The following GCNT2 variants were observed in gnomAD, a reference collection of about 807,000 sequenced individuals.
GCNT2 encodes N-acetyllactosaminide beta-1,6-N-acetylglucosaminyl-transferase.
A neutral mutation model predicts 34.2 loss-of-function variants in GCNT2; 34 were observed. That is an observed-to-expected ratio of 1.00 (90% CI 0.76 to 1.32). The LOEUF is 1.32. Ranked by LOEUF, GCNT2 falls within the 40% of genes most tolerant of loss-of-function variation. The probability of loss-of-function intolerance (pLI) is 0.00; values close to 1 mark genes in which losing one functional copy is unlikely to be tolerated. For synonymous variants in GCNT2, 212 were observed against 188.0 expected (o/e 1.13, Z -1.04); for missense variants, 584 against 489.4 (o/e 1.19, Z -1.82).
intron 3 of GCNT2, among the ~76,000 whole-genome samples, chr6:10,548,243 TAAA>T (rs1331259386): frequency 6.6e-6 from 1 of 152,088 alleles, no homozygotes; most frequent in Non-Finnish European, 1.5e-5. Flanking sequence ...CTAAAAAAGT[TAAA>T]AATAAATAAA....
chr6:10,604,879 G>A (rs149389682), intron 3 of GCNT2, among the ~76,000 whole-genome samples: 5 of 148,744 alleles, frequency 3.4e-5, no homozygotes, highest in African/African-American at 4.9e-5. Context: ...AAAAGAAAAA[G>A]AAAGAAAAAT....
chr6:10,523,701 T>G (rs535348041), intron 1 of GCNT2, among the ~76,000 whole-genome samples: 21 of 151,958 alleles, frequency 1.4e-4, no homozygotes, highest in East Asian at 5.8e-4. Context: ...GGCCGGGCGC[T>G]GTGGCTCATG....
At chr6:10,585,594 G>A (rs1581446977) in intron 3 of GCNT2, among the ~76,000 whole-genome samples, 1 of 152,158 alleles carries the variant, frequency 6.6e-6, no homozygotes, top group Non-Finnish European at 1.5e-5. Context: ...AGGGAAAGGC[G>A]GTGAGGGTGA....
chr6:10,585,129 A>G (rs973088506), intron 3 of GCNT2, among the ~76,000 whole-genome samples: 7 of 151,666 alleles, frequency 4.6e-5, no homozygotes, highest in Non-Finnish European at 7.4e-5. Context: ...CTACCTTGTT[A>G]TATTTTTCTG....
chr6:10,586,759 A>G (rs760688336), intron 3 of GCNT2: 39 of 1,614,048 alleles, frequency 2.4e-5, no homozygotes, highest in Non-Finnish European at 3.2e-5. Flanking sequence ...CCTCCACATC[A>G]GCTGACCATC....
intron 3 of GCNT2, among the ~76,000 whole-genome samples, chr6:10,601,216 G>T (rs532779632): frequency 1.2e-4 from 19 of 152,144 alleles, no homozygotes; most frequent in African/African-American, 4.3e-4. Flanking sequence ...AAAAAGTAGG[G>T]CTATTCTTAG....
intron 3 of GCNT2, among the ~76,000 whole-genome samples, chr6:10,581,414 G>T (rs544773386): frequency 2.0e-5 from 3 of 152,072 alleles, no homozygotes; most frequent in Non-Finnish European, 4.4e-5. Flanking sequence ...GGGATTACAG[G>T]CATGCACCAC....
At chr6:10,604,120 C>T (rs553977021) in intron 3 of GCNT2, among the ~76,000 whole-genome samples, 72 of 152,190 alleles carry the variant, frequency 4.7e-4, no homozygotes, top group African/African-American at 1.7e-3. Flanking sequence ...TGGTCTCGAT[C>T]TCCTGACCTC....
chr6:10,574,791 C>T (rs770327558), intron 3 of GCNT2: 1 of 608,158 alleles, frequency 1.6e-6, no homozygotes, highest in Non-Finnish European at 3.1e-6. Context: ...GCTCAGCCTC[C>T]TTCCCACTGG....
Position 10,591,274 on chromosome 6 carries a change from C to T in GCNT2, c.926-30077C>T, listed in dbSNP as rs187412272. On this transcript the variant is annotated intron_variant, in intron 3 of 4. Transcript: ENST00000495262. ...GGGTGCTAGATGGATGTGGAAGGGT[C>T]GGGAGGGGCAGGAATGTGCTGGAGA... Among the ~76,000 whole-genome samples, 10 of 152,240 alleles carry T rather than the reference C, an allele frequency of 6.6e-5. No homozygotes were observed. In the East Asian group the frequency reaches 1.7e-3, roughly 26 times the overall value.
At chr6:10,602,072 G>A (rs1765114649) in intron 3 of GCNT2, among the ~76,000 whole-genome samples, 1 of 152,082 alleles carries the variant, frequency 6.6e-6, no homozygotes, top group African/African-American at 2.4e-5. Flanking sequence ...AACCACTGAA[G>A]AGGCCAACAT....
intron 3 of GCNT2, among the ~76,000 whole-genome samples, chr6:10,584,973 C>T: frequency 6.6e-6 from 1 of 151,954 alleles, no homozygotes; most frequent in African/African-American, 2.4e-5. Flanking sequence ...GTTCCTTCCA[C>T]CCTTGTGTCC....
intron 3 of GCNT2, among the ~76,000 whole-genome samples, chr6:10,580,061 C>T (rs594329): frequency 0.23 from 35,726 of 152,052 alleles, 5,949 homozygotes; most frequent in African/African-American, 0.47. Context: ...TAAGATTTAA[C>T]AGGCTAAGCC....
In GCNT2 at chr6:10,627,367, A is replaced by G. The variant is rs573014759; in HGVS notation, c.*760A>G. 6.6e-6 allele frequency: 1 copy of G among 152,426 alleles called. No individual in the cohort carries two copies. Among genetic ancestry groups the G allele is most frequent in the East Asian group, 1.9e-4 (1 of 5,192 alleles). 9.4% of individuals were successfully genotyped at this position (152,426 alleles called of 1,614,324 possible). ...TTGCAAGAATGGAGATATGCATTCA[A>G]GAGAGGTGCTATCACATAGATCTAG... is the stretch of plus-strand genomic sequence containing the variant. On this transcript the variant is annotated 3_prime_UTR_variant, in exon 5 of 5. Transcript: ENST00000495262.
At chr6:10,611,569 T>A (rs2127435936) in intron 3 of GCNT2, among the ~76,000 whole-genome samples, 1 of 152,202 alleles carries the variant, frequency 6.6e-6, no homozygotes, top group Non-Finnish European at 1.5e-5. Flanking sequence ...GATCTCGTGG[T>A]CTGCCCGCCT....
chr6:10,536,991 C>G (rs749895047), intron 3 of GCNT2, among the ~76,000 whole-genome samples: 48 of 152,210 alleles, frequency 3.2e-4, no homozygotes, highest in Non-Finnish European at 5.0e-4. Context: ...GTCTCGAACT[C>G]CTGACCTGGT....
chr6:10,581,300 T>C (rs1280295103), intron 3 of GCNT2, among the ~76,000 whole-genome samples: 1 of 152,152 alleles, frequency 6.6e-6, no homozygotes, highest in Non-Finnish European at 1.5e-5. Flanking sequence ...GATGGAGTTT[T>C]GCTCTTGTTG....
intron 1 of GCNT2, among the ~76,000 whole-genome samples, chr6:10,527,023 T>C (rs1042734982): frequency 1.3e-5 from 2 of 152,240 alleles, no homozygotes; most frequent in Non-Finnish European, 2.9e-5. Context: ...GTTTATTGAC[T>C]GTACCACATT....
rs538945516 is a variant in GCNT2, at chr6:10,604,117, G to A, written c.926-17234G>A. The stretch of plus-strand genomic sequence containing the variant: ...TCACAATGTTGGCCAGCATGGTCTC[G>A]ATCTCCTGACCTCATGTGATCCGCC... On this transcript the variant is annotated intron_variant, in intron 3 of 4. Coordinates refer to ENST00000495262, the MANE Select transcript of GCNT2 (RefSeq NM_145649.5). Among the ~76,000 whole-genome samples, 10 of 152,054 alleles carry A rather than the reference G, an allele frequency of 6.6e-5. No individual in the cohort carries two copies. The South Asian group carries it at 1.7e-3, about 25-fold the overall frequency.
Sources: allele counts gnomAD v4.1 joint callset (sites outside exome capture counted in the v4.1 genomes callset), GRCh38; gene constraint gnomAD v4.1.1; transcripts MANE v1.5; gene names NCBI Gene and HGNC (gene_info 2026-07-23, HGNC 2026-07-21).